The following ASPRV1 variants were observed in gnomAD, a reference collection of about 807,000 sequenced individuals.
The protein encoded by ASPRV1 is aspartic peptidase retroviral like 1, also known as retroviral-like aspartic protease 1.
ASPRV1 carries 7 observed loss-of-function variants against 11.0 expected under a neutral mutation model. The ratio of observed to expected loss-of-function variants is 0.64; its 90% CI spans 0.36 to 1.20. The LOEUF (loss-of-function observed/expected upper bound fraction) is 1.20, where lower values mean the gene tolerates loss of function less well. Ranked by LOEUF, ASPRV1 falls within the 50% of genes most tolerant of loss-of-function variation. The pLI is 0.02. For missense variants in ASPRV1, 299 were observed against 320.0 expected, an observed-to-expected ratio of 0.93 and a Z score of 0.50; for synonymous variants, 136 against 138.4, an observed-to-expected ratio of 0.98 and a Z score of 0.12.
chr2:69,988,920 G>C, the ASPRV1 span: 10 of 381,364 alleles, frequency 2.6e-5, no homozygotes, highest in Middle Eastern at 3.6e-4. Flanking sequence ...CGGCTCTCCT[G>C]TTACCAATTT....
At chr2:70,051,674 A>C in the ASPRV1 span, among the ~76,000 whole-genome samples, 3 of 152,178 alleles carry the variant, frequency 2.0e-5, no homozygotes, top group African/African-American at 7.2e-5. Flanking sequence ...AGTATAGAGC[A>C]TGGATAAAAG....
chr2:70,058,062 C>T, the ASPRV1 span, among the ~76,000 whole-genome samples: 2 of 152,160 alleles, frequency 1.3e-5, no homozygotes, highest in African/African-American at 4.8e-5. Flanking sequence ...GGATTACAGG[C>T]GTGAGCCAAC....
chr2:69,932,726 A>G, the ASPRV1 span, among the ~76,000 whole-genome samples: 633 of 152,326 alleles, frequency 4.2e-3, 12 homozygotes, highest in South Asian at 0.073. Flanking sequence ...ATGACAATGC[A>G]TCAAAAGATG....
At chr2:69,993,355 C>A in the ASPRV1 span, 1 of 152,392 alleles carries the variant, frequency 6.6e-6, no homozygotes, top group Admixed American at 6.5e-5. Context: ...CCTCTCTCCA[C>A]ACCTGTCTCC....
the ASPRV1 span, chr2:70,000,614 A>T: frequency 2.0e-5 from 3 of 151,504 alleles, no homozygotes; most frequent in Admixed American, 2.0e-4. Context: ...ACACGGCAAA[A>T]CCCTGTCTCT....
chr2:70,086,953 G>GC, the ASPRV1 span: 1 of 152,286 alleles, frequency 6.6e-6, no homozygotes, highest in Non-Finnish European at 1.5e-5. Flanking sequence ...GGACGAAAGG[G>GC]CCCCACGTGC....
chr2:69,954,186 T>G, the ASPRV1 span, among the ~76,000 whole-genome samples: 25,920 of 152,156 alleles, frequency 0.17, 2,786 homozygotes, highest in East Asian at 0.29. Context: ...AGGCTCCTCA[T>G]GGCCCACCAC....
the ASPRV1 span, chr2:70,000,428 T>C: frequency 3.4e-5 from 5 of 148,096 alleles, no homozygotes; most frequent in African/African-American, 1.2e-4. Context: ...AAAAATAATA[T>C]ACCACACTAA....
At chr2:70,071,049 G>A in the ASPRV1 span, among the ~76,000 whole-genome samples, 1 of 152,108 alleles carries the variant, frequency 6.6e-6, no homozygotes, top group Non-Finnish European at 1.5e-5. Context: ...TCAAGTGCCC[G>A]GATAAACTTC....
the ASPRV1 span, chr2:70,055,471 T>C: frequency 1.3e-5 from 2 of 152,174 alleles, no homozygotes; most frequent in Admixed American, 6.5e-5. Context: ...AATGAGATCA[T>C]ATCCTTTGCA....
At chr2:70,018,222 A>G in the ASPRV1 span, 1 of 151,966 alleles carries the variant, frequency 6.6e-6, no homozygotes. Flanking sequence ...CAAGGAAATG[A>G]AAGATCTGTA....
At chr2:69,995,151 C>T in the ASPRV1 span, among the ~76,000 whole-genome samples, 2 of 151,660 alleles carry the variant, frequency 1.3e-5, no homozygotes, top group Admixed American at 1.3e-4. Flanking sequence ...TTTGGGAGGC[C>T]GAGGCAGGCA....
chr2:70,014,047 G>T, the ASPRV1 span, among the ~76,000 whole-genome samples: 1 of 152,102 alleles, frequency 6.6e-6, no homozygotes, highest in East Asian at 1.9e-4. Flanking sequence ...CTAAATAAAA[G>T]TTATTTGGGG....
At chr2:69,964,404 C>A (rs1298326810), upstream of ASPRV1, 2 of 443,238 alleles carry the variant, frequency 4.5e-6, no homozygotes, top group Non-Finnish European at 9.0e-6. Flanking sequence ...CAGCCTCTGG[C>A]CGAGTCTGGG....
At chr2:69,961,988 C>T (rs952103166), upstream of ASPRV1, 17 of 335,124 alleles carry the variant, frequency 5.1e-5, no homozygotes, top group Admixed American at 1.3e-4. Context: ...CCGGGGAAGC[C>T]GCCATTGGCC....
the ASPRV1 span, among the ~76,000 whole-genome samples, chr2:70,022,534 A>C: frequency 6.6e-6 from 1 of 152,118 alleles, no homozygotes; most frequent in East Asian, 1.9e-4. Context: ...AAAAACAAAA[A>C]AAAAGTTAGT....
At chr2:69,959,121 A>C (rs1427008177), downstream of ASPRV1, among the ~76,000 whole-genome samples, 2 of 151,850 alleles carry the variant, frequency 1.3e-5, no homozygotes, top group East Asian at 3.9e-4. Flanking sequence ...CAGGGGCTTC[A>C]CTCCTGCCTT....
At chr2:69,941,851 AG>A in the ASPRV1 span, 3 of 149,508 alleles carry the variant, frequency 2.0e-5, no homozygotes, top group Non-Finnish European at 3.0e-5. Context: ...ATTTTTGAAA[AG>A]TATCTATATA....
chr2:70,080,478 C>T, the ASPRV1 span, among the ~76,000 whole-genome samples: 2 of 152,252 alleles, frequency 1.3e-5, no homozygotes, highest in African/African-American at 2.4e-5. Flanking sequence ...CTGCCCGCCT[C>T]GGCCGCCCAA....
Sources: allele counts gnomAD v4.1 joint callset (sites outside exome capture counted in the v4.1 genomes callset), GRCh38; gene constraint gnomAD v4.1.1; transcripts MANE v1.5; gene names NCBI Gene and HGNC (gene_info 2026-07-23, HGNC 2026-07-21).